Variants in SGCZ observed in about 807,000 individuals in gnomAD.
SGCZ encodes zeta-sarcoglycan.
A neutral mutation model predicts 41.3 loss-of-function variants in SGCZ; 40 were observed. The ratio of observed to expected loss-of-function variants is 0.97; its 90% CI spans 0.75 to 1.26. The LOEUF is 1.26. Ranked by LOEUF, SGCZ falls within the 50% of genes most tolerant of loss-of-function variation. The pLI is 0.00. For missense variants in SGCZ, 552 were observed against 369.8 expected, an observed-to-expected ratio of 1.49 and a Z score of -4.04; for synonymous variants, 206 against 137.5, an observed-to-expected ratio of 1.50 and a Z score of -3.49.
intron 1 of SGCZ, among the ~76,000 whole-genome samples, chr8:15,133,774 A>G (rs1004062302): frequency 1.3e-5 from 2 of 152,226 alleles, no homozygotes; most frequent in Non-Finnish European, 2.9e-5. Flanking sequence ...AGAGATTAGT[A>G]GTTGAAGTTT....
chr8:14,528,852 A>AG (rs1803038548), intron 2 of SGCZ, among the ~76,000 whole-genome samples: 1 of 151,670 alleles, frequency 6.6e-6, no homozygotes, highest in African/African-American at 2.4e-5. Context: ...ACAAAAACAA[A>AG]AAAAGAGAAA....
chr8:14,664,240 G>C (rs529887683), intron 1 of SGCZ, among the ~76,000 whole-genome samples: 1 of 152,070 alleles, frequency 6.6e-6, no homozygotes, highest in African/African-American at 2.4e-5. Context: ...CACACAAAAG[G>C]CTGACTCAAT....
intron 1 of SGCZ, among the ~76,000 whole-genome samples, chr8:14,822,521 A>G (rs1802138049): frequency 6.6e-6 from 1 of 152,206 alleles, no homozygotes. Flanking sequence ...AAATAGCCAA[A>G]GTAATCCTGA....
At chr8:14,609,952 C>G (rs1213874965) in intron 1 of SGCZ, among the ~76,000 whole-genome samples, 2 of 152,082 alleles carry the variant, frequency 1.3e-5, no homozygotes, top group African/African-American at 2.4e-5. Flanking sequence ...TCAAATTAAA[C>G]AAAAATAAAT....
chr8:14,547,322 A>C (rs1449818135), intron 2 of SGCZ, among the ~76,000 whole-genome samples: 1 of 152,166 alleles, frequency 6.6e-6, no homozygotes, highest in East Asian at 1.9e-4. Flanking sequence ...ACGGCCAGAA[A>C]GGGTGCTGAC....
chr8:14,439,448 C>T (rs1282224837), intron 2 of SGCZ, among the ~76,000 whole-genome samples: 2 of 151,330 alleles, frequency 1.3e-5, no homozygotes, highest in African/African-American at 2.4e-5. Flanking sequence ...TTTAATATTA[C>T]TCAGATGCCA....
intron 1 of SGCZ, among the ~76,000 whole-genome samples, chr8:14,707,616 G>C (rs369636902): frequency 6.6e-6 from 1 of 152,058 alleles, no homozygotes; most frequent in East Asian, 1.9e-4. Context: ...GTACAACAAA[G>C]ATTGCTTCTT....
At chr8:14,610,318 C>G (rs1805885790) in intron 1 of SGCZ, among the ~76,000 whole-genome samples, 1 of 152,116 alleles carries the variant, frequency 6.6e-6, no homozygotes, top group Non-Finnish European at 1.5e-5. Flanking sequence ...TGAAAGATGC[C>G]CTCCCTCTAC....
At chr8:14,425,423 C>G (rs954715252) in intron 2 of SGCZ, among the ~76,000 whole-genome samples, 9 of 151,974 alleles carry the variant, frequency 5.9e-5, no homozygotes, top group Admixed American at 4.6e-4. Context: ...GAGTTTGAGA[C>G]CAGTCTGGCC....
At chr8:14,883,662 A>G (rs1032104878) in intron 1 of SGCZ, among the ~76,000 whole-genome samples, 1 of 151,966 alleles carries the variant, frequency 6.6e-6, no homozygotes, top group South Asian at 2.1e-4. Flanking sequence ...GTGTCTCCCA[A>G]AATCTTACCC....
chr8:14,939,406 C>A (rs1800190933), intron 1 of SGCZ, among the ~76,000 whole-genome samples: 1 of 152,076 alleles, frequency 6.6e-6, no homozygotes, highest in Non-Finnish European at 1.5e-5. Context: ...TATAACAGTT[C>A]CTAAATTAAT....
chr8:14,091,812 G>C (rs529139694), intron 7 of SGCZ, among the ~76,000 whole-genome samples: 1 of 152,034 alleles, frequency 6.6e-6, no homozygotes, highest in Admixed American at 6.6e-5. Flanking sequence ...TTCTTTTGCT[G>C]GGCAGAAGCA....
At chr8:14,390,389 C>T (rs557860488) in intron 2 of SGCZ, among the ~76,000 whole-genome samples, 1 of 151,582 alleles carries the variant, frequency 6.6e-6, no homozygotes, top group Non-Finnish European at 1.5e-5. Flanking sequence ...TAAATCAGTT[C>T]ATAAGAAAAA....
intron 1 of SGCZ, among the ~76,000 whole-genome samples, chr8:14,933,041 G>A (rs990902281): frequency 1.3e-5 from 2 of 151,966 alleles, no homozygotes; most frequent in African/African-American, 4.8e-5. Context: ...AGACAATGGG[G>A]ACTATGACAG....
chr8:14,404,079 A>G (rs1799148143), intron 2 of SGCZ, among the ~76,000 whole-genome samples: 1 of 152,188 alleles, frequency 6.6e-6, no homozygotes, highest in Non-Finnish European at 1.5e-5. Flanking sequence ...AAAAGAGAGA[A>G]TAGACAATAT....
In SGCZ at chr8:15,083,285, C is replaced by A. The variant is rs112593806; in HGVS notation, c.39+154300G>T. Among the ~76,000 whole-genome samples, 653 of 152,220 alleles carry A rather than the reference C, an allele frequency of 4.3e-3. 7 individuals are homozygous for A. The highest frequency in any genetic ancestry group is 0.015 in the African/African-American group (612 of 41,540). ...AATAAAAGTTAAAACAAATTATAAACCTTATAATCAATGTAGAAATAGCAT... is the reference window on the plus strand; with the variant it reads ...AATAAAAGTTAAAACAAATTATAAAACTTATAATCAATGTAGAAATAGCAT... On this transcript the variant is annotated intron_variant, in intron 1 of 7. Coordinates refer to ENST00000382080, the MANE Select transcript of SGCZ (RefSeq NM_139167.4).
At chr8:14,094,859 T>C (rs192670945) in intron 7 of SGCZ, among the ~76,000 whole-genome samples, 1 of 152,294 alleles carries the variant, frequency 6.6e-6, no homozygotes, top group East Asian at 1.9e-4. Context: ...CTCATTGTGG[T>C]TTTGATTTGC....
chr8:14,961,378 G>T (rs1050290892), intron 1 of SGCZ, among the ~76,000 whole-genome samples: 1 of 152,012 alleles, frequency 6.6e-6, no homozygotes, highest in Admixed American at 6.6e-5. Context: ...TTACAGGCTG[G>T]CTACAGAGGA....
chr8:14,886,111 A>G (rs1278769377), intron 1 of SGCZ, among the ~76,000 whole-genome samples: 1 of 148,272 alleles, frequency 6.7e-6, no homozygotes, highest in Non-Finnish European at 1.5e-5. Context: ...ACCACTTAAT[A>G]TTCTATCCCA....
Sources: gnomAD v4.1 joint callset for allele counts (sites outside exome capture counted in the v4.1 genomes callset) on GRCh38, gnomAD v4.1.1 for gene constraint, MANE v1.5 for transcripts, NCBI Gene and HGNC (gene_info 2026-07-23, HGNC 2026-07-21) for gene names.